ZGLP1: variants seen among roughly 807,000 people sequenced by gnomAD.
ZGLP1 encodes GATA-type zinc finger protein 1.
ZGLP1 carries 11 observed loss-of-function variants against 21.4 expected under a neutral mutation model. That is an observed-to-expected ratio of 0.51 (90% CI 0.32 to 0.85). The LOEUF (loss-of-function observed/expected upper bound fraction) is 0.85, where lower values mean the gene tolerates loss of function less well. ZGLP1 is among the 40% of genes least tolerant of loss of function. The pLI, the probability that ZGLP1 is intolerant of heterozygous loss-of-function variation, is 0.03. For synonymous variants in ZGLP1, 148 were observed against 145.0 expected (o/e 1.02, Z -0.15); for missense variants, 295 against 355.6 (o/e 0.83, Z 1.37).
At chr19:10,306,748 C>T (rs2040281962) in intron 1 of ZGLP1, among the ~76,000 whole-genome samples, 1 of 151,850 alleles carries the variant, frequency 6.6e-6, no homozygotes, top group Non-Finnish European at 1.5e-5. Context: ...CTGGGAGGTC[C>T]AGGCTGCAGT....
chr19:10,308,446 C>T (rs1422619626), exon 1 of ZGLP1: 2 of 1,610,314 alleles, frequency 1.2e-6, no homozygotes, highest in East Asian at 2.2e-5. Context: ...CCAGCAAGGC[C>T]CCAGGACCGG....
In ZGLP1 at chr19:10,305,379, A is replaced by G. The variant is rs761543290; in HGVS notation, c.698+11T>C. Reference sequence around the variant, plus strand: ...GACCCCCGCCCCAACTCCCTCCTCCATTCTAAGGACCTGATCCCACAGGCG... The same window carrying G: ...GACCCCCGCCCCAACTCCCTCCTCCGTTCTAAGGACCTGATCCCACAGGCG... On this transcript the variant is annotated intron_variant, in intron 3 of 3. Transcript: ENST00000403903. The surrounding 1 kb of genome is among the most constrained non-coding windows in gnomAD (Gnocchi z 4.7). The G allele has an allele frequency of 1.8e-5, 28 of 1,583,120 alleles. No homozygotes were observed. The South Asian group carries it at 3.2e-4, about 18-fold the overall frequency.
chr19:10,308,352 G>C (rs1034825851), exon 1 of ZGLP1: 1 of 1,607,704 alleles, frequency 6.2e-7, no homozygotes. Context: ...GCAGACGGCG[G>C]CCCTTTTGGC....
At position 10,305,435 on chromosome 19, in the gene ZGLP1, C is replaced by A; in HGVS notation, c.653G>T (p.Arg218Ile). The A allele has an allele frequency of 6.2e-7, 1 of 1,601,384 alleles. No individual in the cohort carries two copies. Among genetic ancestry groups the A allele is most frequent in the East Asian group, 2.3e-5 (1 of 44,442 alleles). The stretch of plus-strand genomic sequence containing the variant: ...GAGAGGGGTCCCATCTTCAGCGTCT[C>A]TCCAGAGCGGGGTCCTCTGGGTCCG... Residue 218 changes from arginine to isoleucine, a missense_variant, in exon 3 of 4, where the codon AGA becomes ATA. By Grantham distance (97) the Arg-to-Ile change is moderately conservative. Around this residue, in one of 2 missense-constraint regions of ZGLP1, gnomAD observed 43 missense variants for 91.7 expected, o/e 0.47. Transcript: ENST00000403903. This position sits in a 1 kb window ranked among gnomAD's most constrained non-coding sequence, Gnocchi z 4.7.
In ZGLP1 at chr19:10,305,546, T is replaced by A; in HGVS notation, c.605-63A>T. 7.0e-7 allele frequency: 1 copy of A among 1,436,582 alleles called. No individual in the cohort carries two copies. Among genetic ancestry groups the A allele is most frequent in the Non-Finnish European group, 9.6e-7 (1 of 1,041,930 alleles). The allele number at this position is 1,436,582 out of a possible 1,614,324, so 89.0% of individuals were successfully genotyped here. A position where few individuals can be genotyped will look rare whatever the true frequency, so the allele number is the denominator to read the frequency against. ...CAAGCATGTGAGCTCGGGATGCCTG[T>A]GCGGAGTCGGGCATTTTGTGGGGGT... On this transcript the variant is annotated intron_variant, in intron 2 of 3. Transcript: ENST00000403903. The surrounding 1 kb of genome is among the most constrained non-coding windows in gnomAD (Gnocchi z 4.7).
Position 10,305,786 on chromosome 19 carries a change from C to T in ZGLP1, c.604+60G>A. ...GAGAAGGGGGGGGCAGGGAGAAAGG[C>T]AGGGAAGACAGGAAATTGGCCCCCA... On this transcript the variant is annotated intron_variant, in intron 2 of 3. Coordinates refer to ENST00000403903, the Ensembl canonical transcript of ZGLP1. The surrounding 1 kb of genome is among the most constrained non-coding windows in gnomAD (Gnocchi z 4.7). The T allele has an allele frequency of 2.2e-6, 3 of 1,335,202 alleles. No homozygotes were observed. The highest frequency in any genetic ancestry group is 3.2e-6 in the Non-Finnish European group (3 of 949,850). 82.7% of individuals were successfully genotyped at this position (1,335,202 alleles called of 1,614,324 possible). A position where few individuals can be genotyped will look rare whatever the true frequency, so the allele number is the denominator to read the frequency against.
In ZGLP1 at chr19:10,305,387, G is replaced by A; in HGVS notation, c.698+3C>T. 2 of 1,587,552 alleles carry A rather than the reference G, an allele frequency of 1.3e-6. No individual in the cohort carries two copies. The highest frequency in any genetic ancestry group is 1.7e-6 in the Non-Finnish European group (2 of 1,166,894). ...CCCCAACTCCCTCCTCCATTCTAAGGACCTGATCCCACAGGCGTTGCAGAG... is the reference window on the plus strand; with the variant it reads ...CCCCAACTCCCTCCTCCATTCTAAGAACCTGATCCCACAGGCGTTGCAGAG... On this transcript the variant is annotated splice_donor_region_variant and intron_variant, in intron 3 of 3. Coordinates refer to ENST00000403903, the Ensembl canonical transcript of ZGLP1. This position sits in a 1 kb window ranked among gnomAD's most constrained non-coding sequence, Gnocchi z 4.7.
exon 1 of ZGLP1, chr19:10,308,354 C>G: frequency 6.2e-7 from 1 of 1,608,142 alleles, no homozygotes; most frequent in Non-Finnish European, 8.5e-7. Flanking sequence ...AGACGGCGGC[C>G]CTTTTGGCTG....
exon 1 of ZGLP1, chr19:10,308,860 A>C: frequency 2.1e-6 from 1 of 470,910 alleles, no homozygotes; most frequent in Non-Finnish European, 3.5e-6. Flanking sequence ...TGGCTGCAGG[A>C]TCGAGAAAAA....
rs2145040064 is a variant in ZGLP1 at position 10,305,163 on chromosome 19, G to A, written c.744C>T (p.Pro248=). 3.1e-6 allele frequency: 5 copies of A among 1,613,966 alleles called. No individual in the cohort carries two copies. The highest frequency in any genetic ancestry group is 2.2e-5 in the South Asian group (2 of 91,082). ...GCCTCTTGGGCTGGACATTTTTCCT[G>A]GGCACCAGCCAGCAGCTGGAGCAGC... The change falls in exon 4 of 4, where the codon CCC becomes CCT. Residue 248 remains proline, a synonymous_variant. Transcript: ENST00000403903. The surrounding 1 kb of genome is among the most constrained non-coding windows in gnomAD (Gnocchi z 4.7).
rs535928743 is a variant in ZGLP1, at chr19:10,307,705, G to T, written c.497+480C>A. Among the ~76,000 whole-genome samples the T allele has an allele frequency of 2.6e-5, 4 of 152,164 alleles. No homozygotes were observed. In the South Asian group the frequency reaches 8.3e-4, roughly 32 times the overall value. ...AATTTTTTGTATTTTTAGTAGACAT[G>T]GGGTTTCACTATGTTGGCCAGGCTG... is the stretch of plus-strand genomic sequence containing the variant. On this transcript the variant is annotated intron_variant, in intron 1 of 3. Transcript: ENST00000403903.
rs993354842 is a variant in ZGLP1, at chr19:10,305,772, G to A, written c.604+74C>T. On this transcript the variant is annotated intron_variant, in intron 2 of 3. Transcript: ENST00000403903. This position sits in a 1 kb window ranked among gnomAD's most constrained non-coding sequence, Gnocchi z 4.7. ...GGGGAAGCAAGATGGAGAAGGGGGG[G>A]GCAGGGAGAAAGGCAGGGAAGACAG... The A allele has an allele frequency of 1.1e-5, 13 of 1,204,080 alleles. No homozygotes were observed. Among genetic ancestry groups the A allele is most frequent in the Admixed American group, 9.9e-5 (5 of 50,466 alleles). The allele number at this position is 1,204,080 out of a possible 1,614,324, so 74.6% of individuals were successfully genotyped here.
Position 10,305,469 on chromosome 19 carries a change from C to T in ZGLP1, c.619G>A (p.Ala207Thr). ...GGGGTCCTCTGGGTCCGACAGGAAGCACAGCGCCGGGGCTCTGAAGGGTCA... is the reference window on the plus strand; with the variant it reads ...GGGGTCCTCTGGGTCCGACAGGAAGTACAGCGCCGGGGCTCTGAAGGGTCA... The change falls in exon 3 of 4, where the codon GCT (alanine) becomes ACT (threonine). Residue 207 changes from alanine to threonine, a missense_variant. Transcript: ENST00000403903. This position sits in a 1 kb window ranked among gnomAD's most constrained non-coding sequence, Gnocchi z 4.7. The T allele has an allele frequency of 6.3e-7, 1 of 1,596,954 alleles. No individual in the cohort carries two copies. The highest frequency in any genetic ancestry group is 8.5e-7 in the Non-Finnish European group (1 of 1,171,902).
exon 1 of ZGLP1, chr19:10,308,842 C>A: frequency 1.9e-6 from 1 of 524,006 alleles, no homozygotes. Flanking sequence ...GGCAGGATAT[C>A]AAGCCTCTGG....
rs374380565 is a variant in ZGLP1 at position 10,305,360 on chromosome 19, C to A, written c.698+30G>T. The A allele has an allele frequency of 6.4e-7, 1 of 1,564,532 alleles. No individual in the cohort carries two copies. On this transcript the variant is annotated intron_variant, in intron 3 of 3. Coordinates refer to ENST00000403903, the Ensembl canonical transcript of ZGLP1. The surrounding 1 kb of genome is among the most constrained non-coding windows in gnomAD (Gnocchi z 4.7). The stretch of plus-strand genomic sequence containing the variant: ...ACACGTGGACTGATTTGGGGACCCC[C>A]GCCCCAACTCCCTCCTCCATTCTAA...
chr19:10,307,853 C>T (rs1411280223), intron 1 of ZGLP1, among the ~76,000 whole-genome samples: 1 of 152,242 alleles, frequency 6.6e-6, no homozygotes, highest in African/African-American at 2.4e-5. Context: ...ACATAAAATA[C>T]TGCCTGTTAA....
chr19:10,308,370 G>A (rs958828271), exon 1 of ZGLP1: 18 of 1,607,678 alleles, frequency 1.1e-5, no homozygotes, highest in Non-Finnish European at 1.3e-5. Context: ...GGCTGATCCT[G>A]GTCTGTGTGT....
At chr19:10,308,315 G>A in exon 1 of ZGLP1, 1 of 1,611,580 alleles carries the variant, frequency 6.2e-7, no homozygotes, top group Non-Finnish European at 8.5e-7. Context: ...CTTCTCTGGG[G>A]TGGGGCCGAG....
At chr19:10,308,403 C>T in exon 1 of ZGLP1, 30 of 1,608,826 alleles carry the variant, frequency 1.9e-5, no homozygotes, top group Non-Finnish European at 2.5e-5. Context: ...TGTCCAGCAG[C>T]AGGCGGCCCT....
Sources: allele counts gnomAD v4.1 joint callset (sites outside exome capture counted in the v4.1 genomes callset), GRCh38; gene constraint gnomAD v4.1.1; regional missense constraint gnomAD v4.1.1; non-coding constraint Gnocchi (gnomAD v3.1); transcripts MANE v1.5; gene names NCBI Gene and HGNC (gene_info 2026-07-23, HGNC 2026-07-21).